The following CANX variants were observed in gnomAD, a reference collection of about 807,000 sequenced individuals.
The protein encoded by CANX is epididymis secretory sperm binding protein.
In CANX, 14 loss-of-function variants were observed where a neutral mutation model predicts 75.7. That is an observed-to-expected ratio of 0.19 (90% CI 0.12 to 0.29). The LOEUF is 0.29. Among genes scored for constraint, CANX ranks in the 10% least tolerant of loss-of-function variants. The pLI, the probability that CANX is intolerant of heterozygous loss-of-function variation, is 1.00. For missense variants in CANX, 567 were observed against 713.2 expected (o/e 0.79, Z 2.34); for synonymous variants, 227 against 236.9 (o/e 0.96, Z 0.38).
chr5:179,710,483 G>A (rs1217933967), intron 7 of CANX, among the ~76,000 whole-genome samples: 2 of 150,500 alleles, frequency 1.3e-5, no homozygotes, highest in Admixed American at 6.7e-5. Flanking sequence ...CGAGGCGGGT[G>A]GATCACAAGG....
chr5:179,704,953 G>A (rs1258114352), intron 1 of CANX, among the ~76,000 whole-genome samples: 1 of 151,888 alleles, frequency 6.6e-6, no homozygotes, highest in African/African-American at 2.4e-5. Flanking sequence ...TTGAGCAACC[G>A]TATCCATATT....
intron 1 of CANX, among the ~76,000 whole-genome samples, chr5:179,686,251 C>T (rs1004943268): frequency 9.3e-5 from 6 of 64,534 alleles, no homozygotes; most frequent in Non-Finnish European, 1.1e-4. Flanking sequence ...GCACGCGCCA[C>T]CACACCCAGC....
chr5:179,728,799 A>G lies in CANX; in HGVS notation c.*155A>G, dbSNP rs1778829894. ...GTTGAACACTAGTCTGTGTAACTTT[A>G]AACATCTAGCAGTAAATACTTGCAG... is the stretch of plus-strand genomic sequence containing the variant. On this transcript the variant is annotated 3_prime_UTR_variant, in exon 15 of 15. Transcript: ENST00000247461. The G allele has an allele frequency of 1.4e-6, 1 of 708,612 alleles. No homozygotes were observed. Among genetic ancestry groups the G allele is most frequent in the African/African-American group, 1.8e-5 (1 of 57,006 alleles). 43.9% of individuals were successfully genotyped at this position (708,612 alleles called of 1,614,324 possible). A position where few individuals can be genotyped will look rare whatever the true frequency, so the allele number is the denominator to read the frequency against.
At chr5:179,720,144 T>C (rs1778216265) in intron 9 of CANX, among the ~76,000 whole-genome samples, 1 of 152,220 alleles carries the variant, frequency 6.6e-6, no homozygotes, top group East Asian at 1.9e-4. Context: ...GTTACCTGTT[T>C]TTATTGAAGT....
intron 8 of CANX, 45 bp from the exon 9 acceptor site, chr5:179,719,623 C>T (rs1778178410): frequency 9.3e-7 from 1 of 1,078,854 alleles, no homozygotes; most frequent in East Asian, 2.4e-5. Context: ...TGGTACTATA[C>T]TGTGACCAGT....
chr5:179,696,681 A>G (rs780166835), upstream of CANX, among the ~76,000 whole-genome samples: 141 of 152,330 alleles, frequency 9.3e-4, 2 homozygotes, highest in Non-Finnish European at 1.4e-3. Flanking sequence ...CCAAGCTTAC[A>G]TGTATGAGAA....
chr5:179,722,997 A>G lies in CANX; in HGVS notation c.1376A>G (p.Lys459Arg), dbSNP rs780711642. The change falls in exon 11 of 15, where the codon AAA becomes AGA. Residue 459 changes from lysine (K) to arginine (R), a missense_variant. Physicochemically the swap from Lys to Arg is conservative, Grantham distance 26. Transcript: ENST00000247461. ...DWANDGWGLK[K>R]AADGAAEPGV... ...GCCAATGATGGATGGGGCCTGAAGA[A>G]AGCTGCTGATGGGGCTGCTGAGGTT... is the stretch of plus-strand genomic sequence containing the variant. 4.0e-5 allele frequency: 65 copies of G among 1,613,960 alleles called. No individual in the cohort carries two copies. Among genetic ancestry groups the G allele is most frequent in the Admixed American group, 1.3e-4 (8 of 59,996 alleles).
At chr5:179,721,014 C>T (rs1472104179) in intron 10 of CANX, among the ~76,000 whole-genome samples, 3 of 151,848 alleles carry the variant, frequency 2.0e-5, no homozygotes, top group Non-Finnish European at 4.4e-5. Context: ...GAACTCCTGA[C>T]CTCGCGATCC....
chr5:179,716,019 C>A, intron 7 of CANX, 86 bp from the exon 8 acceptor site: 1 of 997,934 alleles, frequency 1.0e-6, no homozygotes, highest in Non-Finnish European at 1.6e-6. Flanking sequence ...TCTGCTGCTT[C>A]ACGTTAGAAG....
At chr5:179,696,056 A>C (rs1025402829), upstream of CANX, among the ~76,000 whole-genome samples, 8 of 151,824 alleles carry the variant, frequency 5.3e-5, no homozygotes, top group Admixed American at 2.0e-4. Flanking sequence ...AGTAGCTGAG[A>C]CTACAGGCTC....
chr5:179,680,551 A>AT (rs781179517), intron 1 of CANX, among the ~76,000 whole-genome samples: 21 of 152,092 alleles, frequency 1.4e-4, no homozygotes, highest in Non-Finnish European at 3.1e-4. Flanking sequence ...GGCTAGACCT[A>AT]TGCATAGGGC....
intron 10 of CANX, among the ~76,000 whole-genome samples, chr5:179,721,061 C>T (rs915787351): frequency 2.6e-5 from 4 of 151,218 alleles, no homozygotes; most frequent in Non-Finnish European, 4.4e-5. Flanking sequence ...GGATTACAGG[C>T]GTGAGCCACT....
Position 179,728,672 on chromosome 5 carries a change from T to C in CANX, c.*28T>C. On this transcript the variant is annotated 3_prime_UTR_variant, in exon 15 of 15. Transcript: ENST00000247461. Reference sequence around the variant, plus strand: ...CAATCTTAAGAGCTTGATCTGTGATTTCTTCTCCCTCCTCCCCTGCAAGAG... The same window carrying C: ...CAATCTTAAGAGCTTGATCTGTGATCTCTTCTCCCTCCTCCCCTGCAAGAG... 6.5e-7 allele frequency: 1 copy of C among 1,542,548 alleles called. No homozygotes were observed. The highest frequency in any genetic ancestry group is 9.0e-7 in the Non-Finnish European group (1 of 1,115,256).
intron 11 of CANX, 98 bp downstream of exon 11, chr5:179,723,117 T>C (rs1288237314): frequency 5.8e-6 from 6 of 1,039,008 alleles, no homozygotes; most frequent in African/African-American, 4.8e-5. Flanking sequence ...TTTGGCAATA[T>C]TGGCATAAAA....
chr5:179,687,911 T>G (rs1186653440), intron 1 of CANX, among the ~76,000 whole-genome samples: 1 of 151,490 alleles, frequency 6.6e-6, no homozygotes, highest in Admixed American at 6.6e-5. Context: ...GGCGCACACC[T>G]GTGGTCCCAG....
chr5:179,710,625 A>G (rs545510314), intron 7 of CANX, among the ~76,000 whole-genome samples: 3,397 of 143,478 alleles, frequency 0.024, 70 homozygotes, highest in Non-Finnish European at 0.036. Context: ...GGAGAATGGC[A>G]CGAACCCGGG....
At chr5:179,693,501 C>T (rs1469202508), upstream of CANX, among the ~76,000 whole-genome samples, 4 of 151,692 alleles carry the variant, frequency 2.6e-5, no homozygotes, top group Non-Finnish European at 2.9e-5. Context: ...TGGCGAAACC[C>T]GATCTCTACT....
chr5:179,684,488 C>T (rs557547184), intron 1 of CANX, among the ~76,000 whole-genome samples: 3 of 151,220 alleles, frequency 2.0e-5, no homozygotes, highest in African/African-American at 7.3e-5. Context: ...TACAGGTGCC[C>T]GCCACCACGC....
chr5:179,687,080 A>C (rs1490990965), intron 1 of CANX, among the ~76,000 whole-genome samples: 2 of 147,278 alleles, frequency 1.4e-5, no homozygotes, highest in East Asian at 4.1e-4. Flanking sequence ...CCCGGCCTGC[A>C]GTTTTTTTGT....
Sources: gnomAD v4.1 joint callset for allele counts (sites outside exome capture counted in the v4.1 genomes callset) on GRCh38, gnomAD v4.1.1 for gene constraint, MANE v1.5 for transcripts, NCBI Gene and HGNC (gene_info 2026-07-23, HGNC 2026-07-21) for gene names.